WDR35: variants seen among roughly 807,000 people sequenced by gnomAD.
WDR35 encodes the protein WD repeat-containing protein 35.
A neutral mutation model predicts 158.3 loss-of-function variants in WDR35; 118 were observed. The observed-to-expected ratio is 0.75, with a 90% CI of 0.64 to 0.87. The LOEUF (loss-of-function observed/expected upper bound fraction) is 0.87. Among genes scored for constraint, WDR35 ranks in the 40% least tolerant of loss-of-function variants. WDR35 has a pLI of 0.00. For synonymous variants in WDR35, 448 were observed against 476.1 expected (o/e 0.94, Z 0.77); for missense variants, 1,263 against 1,405.8 (o/e 0.90, Z 1.62).
chr2:19,970,036 C>T lies in WDR35; in HGVS notation c.883-431G>A, dbSNP rs111634106. 2.4e-4 allele frequency among the ~76,000 whole-genome samples: 37 copies of T among 152,176 alleles called. 1 individual carries two copies. Among genetic ancestry groups the T allele is most frequent in the African/African-American group, 8.2e-4 (34 of 41,532 alleles). ...TGCTGGGATTACAGGCGTGAGCCAC[C>T]GCACCCAGCCACGTTTCTTGAATTT... On this transcript the variant is annotated intron_variant, in intron 8 of 26. Transcript: ENST00000281405.
At chr2:19,954,604 T>A (rs920532064) in intron 11 of WDR35, among the ~76,000 whole-genome samples, 2 of 151,998 alleles carry the variant, frequency 1.3e-5, no homozygotes, top group Admixed American at 1.3e-4. Context: ...GAAGTGCAAA[T>A]CAAAACCACA....
At chr2:19,967,437 G>A (rs951208874) in intron 9 of WDR35, among the ~76,000 whole-genome samples, 1 of 151,996 alleles carries the variant, frequency 6.6e-6, no homozygotes, top group Non-Finnish European at 1.5e-5. Flanking sequence ...CTCTAGAATG[G>A]TCGTGTACAA....
chr2:19,975,316 C>T (rs1462238230), intron 6 of WDR35, among the ~76,000 whole-genome samples: 1 of 152,146 alleles, frequency 6.6e-6, no homozygotes, highest in African/African-American at 2.4e-5. Flanking sequence ...CTAAAAGCTA[C>T]ACTCGAACTT....
chr2:19,985,721 TAAA>T (rs34506610), intron 2 of WDR35, among the ~76,000 whole-genome samples: 2 of 131,538 alleles, frequency 1.5e-5, no homozygotes, highest in Non-Finnish European at 1.6e-5. Flanking sequence ...CCGTCTCTAC[TAAA>T]AAAAAAAAAA....
intron 11 of WDR35, among the ~76,000 whole-genome samples, chr2:19,956,590 C>T (rs922233286): frequency 6.6e-6 from 1 of 151,394 alleles, no homozygotes; most frequent in African/African-American, 2.4e-5. Flanking sequence ...TAGCACAGTG[C>T]CTGGCATAGA....
intron 25 of WDR35, among the ~76,000 whole-genome samples, chr2:19,925,410 G>T (rs1215421290): frequency 6.6e-6 from 1 of 152,150 alleles, no homozygotes; most frequent in Non-Finnish European, 1.5e-5. Context: ...AATAAACAAG[G>T]CAAAGCAGCT....
intron 4 of WDR35, 29 bp downstream of exon 4, chr2:19,980,662 A>G (rs1255117455): frequency 2.5e-6 from 4 of 1,592,608 alleles, no homozygotes; most frequent in Non-Finnish European, 3.4e-6. Context: ...CTTGTGAAAA[A>G]TTAAATAATC....
chr2:19,959,938 G>C (rs956853542), intron 11 of WDR35, among the ~76,000 whole-genome samples: 1 of 151,964 alleles, frequency 6.6e-6, no homozygotes, highest in Admixed American at 6.6e-5. Context: ...AATCTACTTA[G>C]AATAAGATTT....
At chr2:19,988,667 GA>G in intron 2 of WDR35, among the ~76,000 whole-genome samples, 1 of 152,270 alleles carries the variant, frequency 6.6e-6, no homozygotes, top group Non-Finnish European at 1.5e-5. Context: ...TGTTTGCTGT[GA>G]TTCCAGAGAA....
intron 25 of WDR35, 108 bp from the exon 26 acceptor site, chr2:19,914,385 A>G (rs1268721585): frequency 1.8e-4 from 259 of 1,418,586 alleles, no homozygotes; most frequent in Non-Finnish European, 9.3e-5. Context: ...TGCATGAACG[A>G]ACTGAAAGCA....
At chr2:19,929,302 A>G (rs1315432846) in intron 25 of WDR35, among the ~76,000 whole-genome samples, 1 of 152,244 alleles carries the variant, frequency 6.6e-6, no homozygotes, top group African/African-American at 2.4e-5. Flanking sequence ...TATTCAAATA[A>G]AAGAATTTCT....
rs995125180 is a variant in WDR35 at position 19,969,528 on chromosome 2, T to C, written c.960A>G (p.Leu320=). The stretch of plus-strand genomic sequence containing the variant: ...CAAAATATATAAAGGAATCAACAGC[T>C]AGTGCAATTTTCAGTCCACCTCCTT... ...SWEGGGLKIA[L]AVDSFIYFAN... is the part of the protein sequence containing the mutation. The change falls in exon 9 of 27, where the codon CTA becomes CTG. Residue 320 remains leucine, a synonymous_variant. Coordinates refer to ENST00000281405, the MANE Select transcript of WDR35 (RefSeq NM_020779.4). 1.2e-6 allele frequency: 2 copies of C among 1,613,730 alleles called. No homozygotes were observed. The highest frequency in any genetic ancestry group is 1.7e-6 in the Non-Finnish European group (2 of 1,179,852).
chr2:19,955,046 G>A lies in WDR35; in HGVS notation c.1256-1068C>T, dbSNP rs182704254. Among the ~76,000 whole-genome samples the A allele has an allele frequency of 1.7e-3, 257 of 152,202 alleles. 2 individuals are homozygous for A. The highest frequency in any genetic ancestry group is 5.9e-3 in the African/African-American group (245 of 41,524). ...CAGCTCATTGCAACCTCTGCCTCCC[G>A]GGTTCAAGCAATTCTCCTGCCTCAG... On this transcript the variant is annotated intron_variant, in intron 11 of 26. Coordinates refer to ENST00000281405, the MANE Select transcript of WDR35 (RefSeq NM_020779.4).
intron 1 of WDR35, among the ~76,000 whole-genome samples, chr2:19,989,629 A>G (rs1469251820): frequency 6.6e-6 from 1 of 152,192 alleles, no homozygotes; most frequent in Non-Finnish European, 1.5e-5. Flanking sequence ...TCCTATTGTT[A>G]TTTCTTTTCT....
chr2:19,972,588 G>A (rs977064996), intron 8 of WDR35, among the ~76,000 whole-genome samples: 5 of 151,388 alleles, frequency 3.3e-5, no homozygotes, highest in East Asian at 1.9e-4. Context: ...TTACATCTAC[G>A]AGAAATATTG....
chr2:19,962,727 T>TA (rs1004779353), intron 10 of WDR35, among the ~76,000 whole-genome samples: 20 of 150,758 alleles, frequency 1.3e-4, no homozygotes, highest in Admixed American at 5.9e-4. Context: ...CCATAACATT[T>TA]AAAAAAAAAT....
At chr2:19,989,105 G>A (rs912962642) in intron 2 of WDR35, 60 bp downstream of exon 2, 10 of 1,391,550 alleles carry the variant, frequency 7.2e-6, no homozygotes, top group Middle Eastern at 1.8e-4. Context: ...TGAGTAGACC[G>A]CACTGAACAA....
rs148007474 is a variant in WDR35, at chr2:19,941,425, AT to A, written c.1926+333del. 3.9e-5 allele frequency among the ~76,000 whole-genome samples: 6 copies of A among 152,074 alleles called. No homozygotes were observed. The East Asian group carries it at 9.7e-4, about 24-fold the overall frequency. On this transcript the variant is annotated intron_variant, in intron 17 of 26. Coordinates refer to ENST00000281405, the MANE Select transcript of WDR35 (RefSeq NM_020779.4). ...AAAACAATGACAACAATTAGCACTC[AT>A]TTTTTTTAGCTCTCACTTGGCCGTA... is the stretch of plus-strand genomic sequence containing the variant.
chr2:19,929,246 A>C (rs1670452577), intron 25 of WDR35, among the ~76,000 whole-genome samples: 1 of 152,380 alleles, frequency 6.6e-6, no homozygotes, highest in South Asian at 2.1e-4. Flanking sequence ...AAGAGCTCTT[A>C]TAAAAATAAT....
Sources: gnomAD v4.1 joint callset for allele counts (sites outside exome capture counted in the v4.1 genomes callset) on GRCh38, gnomAD v4.1.1 for gene constraint, MANE v1.5 for transcripts, NCBI Gene and HGNC (gene_info 2026-07-23, HGNC 2026-07-21) for gene names.